The following GALNT2 variants were observed in gnomAD, a reference collection of about 807,000 sequenced individuals.
GALNT2 encodes the protein polypeptide N-acetylgalactosaminyltransferase 2, also known as UDP-GalNAc:polypeptide N-acetylgalactosaminyltransferase 2.
GALNT2 carries 31 observed loss-of-function variants against 81.4 expected under a neutral mutation model. The ratio of observed to expected loss-of-function variants is 0.38; its 90% CI spans 0.29 to 0.51. The LOEUF is 0.51. Ranked by LOEUF, GALNT2 falls within the 20% of genes least tolerant of loss-of-function variation. The pLI is 0.87. For missense variants in GALNT2, 629 were observed against 765.7 expected (o/e 0.82, Z 2.11); for synonymous variants, 303 against 287.4 (o/e 1.05, Z -0.55).
At chr1:230,162,630 A>G (rs1662469828) in intron 1 of GALNT2, among the ~76,000 whole-genome samples, 1 of 152,184 alleles carries the variant, frequency 6.6e-6, no homozygotes, top group Admixed American at 6.5e-5. Context: ...AACCCTGAAA[A>G]TGCAGCTCTA....
intron 1 of GALNT2, among the ~76,000 whole-genome samples, chr1:230,174,393 A>G (rs1662891676): frequency 6.6e-6 from 1 of 151,890 alleles, no homozygotes; most frequent in Admixed American, 6.6e-5. Flanking sequence ...CCTTTTCACA[A>G]CCCCAGATTT....
intron 3 of GALNT2, among the ~76,000 whole-genome samples, chr1:230,216,162 A>C (rs143390184): frequency 1.3e-5 from 2 of 152,228 alleles, no homozygotes; most frequent in Admixed American, 1.3e-4. Flanking sequence ...TCCTACTTCA[A>C]CTATCCATTT....
chr1:230,178,390 G>T, intron 2 of GALNT2, 79 bp downstream of exon 2: 1 of 1,073,550 alleles, frequency 9.3e-7, no homozygotes, highest in Non-Finnish European at 1.4e-6. Flanking sequence ...TGGAGCAGGT[G>T]GTCTGTGGGG....
In GALNT2 at chr1:230,257,285, G is replaced by A. The variant is rs191114225; in HGVS notation, c.1136+1941G>A. On this transcript the variant is annotated intron_variant, in intron 11 of 15. Coordinates refer to ENST00000366672, the MANE Select transcript of GALNT2 (RefSeq NM_004481.5). This position sits in a 1 kb window ranked among gnomAD's most constrained non-coding sequence, Gnocchi z 4.6. ...GTGGTGACCCTATGGTGAAACAATGGTACGAGTGCCCCCTCCACTCTTGGA... is the reference window on the plus strand; with the variant it reads ...GTGGTGACCCTATGGTGAAACAATGATACGAGTGCCCCCTCCACTCTTGGA... Among the ~76,000 whole-genome samples, 88 of 152,326 alleles carry A rather than the reference G, an allele frequency of 5.8e-4. No individual in the cohort carries two copies. Among genetic ancestry groups the A allele is most frequent in the African/African-American group, 2.0e-3 (84 of 41,568 alleles).
intron 1 of GALNT2, among the ~76,000 whole-genome samples, chr1:230,092,844 G>A (rs1451463102): frequency 6.6e-6 from 1 of 152,122 alleles, no homozygotes; most frequent in Non-Finnish European, 1.5e-5. Context: ...AAATTTAGGG[G>A]GTAGAGGGGA....
At chr1:230,066,158 A>G (rs747996326), upstream of GALNT2, among the ~76,000 whole-genome samples, 2 of 152,354 alleles carry the variant, frequency 1.3e-5, no homozygotes, top group African/African-American at 4.8e-5. Context: ...GTACGGACTT[A>G]TATCAGGCAG....
intron 1 of GALNT2, among the ~76,000 whole-genome samples, chr1:230,109,345 G>A (rs761512773): frequency 2.0e-4 from 30 of 150,366 alleles, no homozygotes; most frequent in Non-Finnish European, 4.2e-4. Context: ...GGGACATGGT[G>A]TGGTGGTTAA....
intron 3 of GALNT2, among the ~76,000 whole-genome samples, chr1:230,224,879 G>A (rs184248012): frequency 2.6e-5 from 4 of 151,808 alleles, no homozygotes; most frequent in East Asian, 1.9e-4. Context: ...ACATGCTTCC[G>A]ACTCCTATAC....
intron 10 of GALNT2, 72 bp downstream of exon 10, chr1:230,250,632 A>G: frequency 9.1e-7 from 1 of 1,101,946 alleles, no homozygotes; most frequent in Non-Finnish European, 1.3e-6. Flanking sequence ...CCAATTGGAA[A>G]AAAAATTTAA....
At chr1:230,201,541 G>T (rs116683476) in intron 2 of GALNT2, among the ~76,000 whole-genome samples, 175 of 152,330 alleles carry the variant, frequency 1.1e-3, no homozygotes, top group African/African-American at 4.0e-3. Flanking sequence ...TTTCTGTTGG[G>T]AAAGTAGATA....
chr1:230,273,467 G>A (rs1388875391), intron 14 of GALNT2, among the ~76,000 whole-genome samples: 1 of 152,176 alleles, frequency 6.6e-6, no homozygotes, highest in African/African-American at 2.4e-5. Flanking sequence ...AACTGGAAAG[G>A]GCCTTGCTGC....
chr1:230,093,316 CA>C lies in GALNT2; in HGVS notation c.126+25911del, dbSNP rs973133464. On this transcript the variant is annotated intron_variant, in intron 1 of 15. Coordinates refer to ENST00000366672, the MANE Select transcript of GALNT2 (RefSeq NM_004481.5). ...CACTGAACATGATAATAGTGTCCGT[CA>C]GGGGGAGAAATAACAGAAACCAAAA... 8.6e-5 allele frequency among the ~76,000 whole-genome samples: 13 copies of C among 151,872 alleles called. No individual in the cohort carries two copies. The East Asian group carries it at 1.2e-3, about 14-fold the overall frequency.
chr1:230,212,301 C>T (rs1664257949), intron 3 of GALNT2, among the ~76,000 whole-genome samples: 1 of 152,122 alleles, frequency 6.6e-6, no homozygotes, highest in Admixed American at 6.6e-5. Flanking sequence ...GGCATGAGGC[C>T]TGAATGCACC....
intron 14 of GALNT2, among the ~76,000 whole-genome samples, chr1:230,269,439 G>A (rs28399131): frequency 6.6e-6 from 1 of 152,128 alleles, no homozygotes; most frequent in Non-Finnish European, 1.5e-5. Flanking sequence ...ACATGCCTCA[G>A]CCTCCCAAAG....
chr1:230,100,335 T>C (rs1382049540), intron 1 of GALNT2, among the ~76,000 whole-genome samples: 3 of 90,948 alleles, frequency 3.3e-5, no homozygotes, highest in African/African-American at 1.4e-4. Flanking sequence ...TTTTTTTTTT[T>C]TGAGATGGAG....
intron 1 of GALNT2, among the ~76,000 whole-genome samples, chr1:230,112,383 A>AGGGGGGGGGGGGG (rs11432825): frequency 7.5e-6 from 1 of 133,878 alleles, no homozygotes; most frequent in Non-Finnish European, 1.6e-5. Context: ...GCGCCGGGGG[A>AGGGGGGGGGGGGG]GGGGGGGGGC....
At chr1:230,245,618 A>G (rs1332119735) in intron 7 of GALNT2, among the ~76,000 whole-genome samples, 4 of 152,220 alleles carry the variant, frequency 2.6e-5, no homozygotes, top group Non-Finnish European at 4.4e-5. Context: ...CCACATAGAA[A>G]TATATTCCTA....
chr1:230,209,268 G>A (rs765904368), intron 3 of GALNT2, among the ~76,000 whole-genome samples: 6 of 152,050 alleles, frequency 3.9e-5, no homozygotes, highest in Non-Finnish European at 4.4e-5. Context: ...AGTTTCTTAC[G>A]TTGAAGTCCC....
chr1:230,201,919 GC>G (rs1273417978), intron 2 of GALNT2, among the ~76,000 whole-genome samples: 2 of 152,116 alleles, frequency 1.3e-5, no homozygotes, highest in South Asian at 2.1e-4. Context: ...TGTACTCCCT[GC>G]CCCCATAACA....
Sources: allele counts gnomAD v4.1 joint callset (sites outside exome capture counted in the v4.1 genomes callset), GRCh38; gene constraint gnomAD v4.1.1; non-coding constraint Gnocchi (gnomAD v3.1); transcripts MANE v1.5; gene names NCBI Gene and HGNC (gene_info 2026-07-23, HGNC 2026-07-21).